Variants in LHFPL3 observed in about 807,000 individuals in gnomAD.
LHFPL3 encodes LHFPL tetraspan subfamily member 3 protein.
A neutral mutation model predicts 19.3 loss-of-function variants in LHFPL3; 5 were observed. That is an observed-to-expected ratio of 0.26 (90% confidence interval 0.14 to 0.54). LHFPL3 has a LOEUF of 0.54. Ranked by LOEUF, LHFPL3 falls within the 20% of genes least tolerant of loss-of-function variation. LHFPL3 has a pLI of 0.94. For synonymous variants in LHFPL3, 133 were observed against 126.2 expected (o/e 1.05, Z -0.36); for missense variants, 249 against 307.4 (o/e 0.81, Z 1.42).
intron 2 of LHFPL3, among the ~76,000 whole-genome samples, chr7:104,854,168 A>C (rs139072338): frequency 6.6e-6 from 1 of 152,222 alleles, no homozygotes; most frequent in African/African-American, 2.4e-5. Context: ...AGGTGGCTTT[A>C]AGTTCAGGCT....
intron 2 of LHFPL3, among the ~76,000 whole-genome samples, chr7:104,752,200 C>T (rs937372229): frequency 5.3e-5 from 8 of 152,028 alleles, no homozygotes; most frequent in East Asian, 1.9e-4. Flanking sequence ...CTAATTTTAA[C>T]GTTTCAGGAT....
chr7:104,458,053 C>T (rs1019005577), intron 1 of LHFPL3, among the ~76,000 whole-genome samples: 28 of 150,940 alleles, frequency 1.9e-4, no homozygotes, highest in African/African-American at 6.1e-4. Flanking sequence ...AATTTTCTCC[C>T]ATTTTGTAGG....
At chr7:104,723,721 C>CA (rs1793531128) in intron 1 of LHFPL3, among the ~76,000 whole-genome samples, 2 of 54,622 alleles carry the variant, frequency 3.7e-5, no homozygotes, top group African/African-American at 1.0e-4. Context: ...GACTATGTCT[C>CA]CAAAAAAAAA....
At chr7:104,368,341 A>C (rs572285532) in intron 1 of LHFPL3, among the ~76,000 whole-genome samples, 38 of 152,242 alleles carry the variant, frequency 2.5e-4, no homozygotes, top group Middle Eastern at 3.4e-3. Context: ...TTTGAAAGGA[A>C]GTATGAGGGA....
chr7:104,750,492 T>C (rs549540843), intron 2 of LHFPL3, among the ~76,000 whole-genome samples: 4 of 152,334 alleles, frequency 2.6e-5, no homozygotes, highest in East Asian at 1.9e-4. Flanking sequence ...TAATAACCAA[T>C]TGAATTTCGC....
chr7:104,747,903 A>G (rs1794080516), intron 2 of LHFPL3, among the ~76,000 whole-genome samples: 1 of 152,206 alleles, frequency 6.6e-6, no homozygotes, highest in Non-Finnish European at 1.5e-5. Flanking sequence ...TCTTCAATTA[A>G]TAAATTGTAT....
intron 1 of LHFPL3, among the ~76,000 whole-genome samples, chr7:104,413,258 C>G (rs1791565943): frequency 6.6e-6 from 1 of 152,168 alleles, no homozygotes; most frequent in Non-Finnish European, 1.5e-5. Flanking sequence ...TGTTGTTAAA[C>G]CCACATTGAC....
At chr7:104,826,445 G>A (rs1465582345) in intron 2 of LHFPL3, 5 of 162,888 alleles carry the variant, frequency 3.1e-5, no homozygotes, top group Non-Finnish European at 2.9e-5. Context: ...GAGGCCCAGA[G>A]GCTGTTTCAC....
chr7:104,574,575 A>C (rs543365744), intron 1 of LHFPL3, among the ~76,000 whole-genome samples: 6 of 152,304 alleles, frequency 3.9e-5, no homozygotes, highest in African/African-American at 1.4e-4. Context: ...GGAACTAGAG[A>C]GATGTCCTCT....
intron 1 of LHFPL3, among the ~76,000 whole-genome samples, chr7:104,632,063 C>T (rs1791654275): frequency 6.6e-6 from 1 of 152,142 alleles, no homozygotes; most frequent in Non-Finnish European, 1.5e-5. Context: ...CTTCTTTCTC[C>T]AGTTCTTTAT....
At chr7:104,340,098 TACTGGCTGGATG>T (rs574973275) in intron 1 of LHFPL3, among the ~76,000 whole-genome samples, 441 of 152,314 alleles carry the variant, frequency 2.9e-3, no homozygotes, top group African/African-American at 0.01. Context: ...CCTGTCATCT[TACTGGCTGGATG>T]ACTTTGGGTA....
intron 1 of LHFPL3, among the ~76,000 whole-genome samples, chr7:104,509,140 A>C (rs1182684268): frequency 6.6e-6 from 1 of 152,040 alleles, no homozygotes; most frequent in Non-Finnish European, 1.5e-5. Flanking sequence ...TGTTAGGCCT[A>C]AATTGTTTCA....
intron 2 of LHFPL3, among the ~76,000 whole-genome samples, chr7:104,871,174 C>G (rs927561067): frequency 1.3e-5 from 2 of 152,186 alleles, no homozygotes; most frequent in Admixed American, 1.3e-4. Context: ...CATAGACGGT[C>G]TAGTCTATTG....
chr7:104,855,595 A>G (rs1333736882), intron 2 of LHFPL3, among the ~76,000 whole-genome samples: 1 of 151,882 alleles, frequency 6.6e-6, no homozygotes, highest in Non-Finnish European at 1.5e-5. Context: ...TTTTTCAGAC[A>G]TATGGATATC....
intron 1 of LHFPL3, among the ~76,000 whole-genome samples, chr7:104,709,813 C>T (rs12537595): frequency 8.1e-6 from 1 of 122,796 alleles, no homozygotes; most frequent in Non-Finnish European, 1.9e-5. Context: ...ATGGCGGCTG[C>T]GAAGAGGCGT....
chr7:104,442,209 G>A (rs1412887498), intron 1 of LHFPL3, among the ~76,000 whole-genome samples: 1 of 149,792 alleles, frequency 6.7e-6, no homozygotes, highest in Non-Finnish European at 1.5e-5. Context: ...TTGGAGAAAA[G>A]TCTATTCAAT....
intron 1 of LHFPL3, among the ~76,000 whole-genome samples, chr7:104,525,904 C>A (rs1034323532): frequency 6.6e-6 from 1 of 151,912 alleles, no homozygotes; most frequent in African/African-American, 2.4e-5. Context: ...TGTGCCTGGC[C>A]CTTTATCTTC....
intron 2 of LHFPL3, among the ~76,000 whole-genome samples, chr7:104,797,242 T>C (rs1790151699): frequency 6.6e-6 from 1 of 152,214 alleles, no homozygotes; most frequent in South Asian, 2.1e-4. Context: ...TCACTAATGC[T>C]GTTCACCCAG....
At chr7:104,648,305 C>T (rs1162297065) in intron 1 of LHFPL3, among the ~76,000 whole-genome samples, 1 of 152,164 alleles carries the variant, frequency 6.6e-6, no homozygotes, top group African/African-American at 2.4e-5. Flanking sequence ...TGCTCAGACG[C>T]TTTCTAGATA....
Sources: allele counts gnomAD v4.1 joint callset (sites outside exome capture counted in the v4.1 genomes callset), GRCh38; gene constraint gnomAD v4.1.1; transcripts MANE v1.5; gene names NCBI Gene and HGNC (gene_info 2026-07-23, HGNC 2026-07-21).